The following PKNOX1 variants were observed in gnomAD, a reference collection of about 807,000 sequenced individuals.
The protein encoded by PKNOX1 is PBX/knotted 1 homeobox 1.
PKNOX1 carries 15 observed loss-of-function variants against 51.9 expected under a neutral mutation model. The observed-to-expected ratio is 0.29, with a 90% CI of 0.19 to 0.45. PKNOX1 has a LOEUF of 0.45. PKNOX1 is among the 20% of genes least tolerant of loss of function. The pLI, the probability that PKNOX1 is intolerant of heterozygous loss-of-function variation, is 1.00. For missense variants in PKNOX1, 462 were observed against 547.5 expected, an observed-to-expected ratio of 0.84 and a Z score of 1.56; for synonymous variants, 219 against 211.1, an observed-to-expected ratio of 1.04 and a Z score of -0.32.
intron 6 of PKNOX1, 194 bp downstream of exon 6, chr21:43,017,201 T>C (rs1979533880): frequency 2.6e-6 from 1 of 385,120 alleles, no homozygotes; most frequent in Non-Finnish European, 4.6e-6. Context: ...ATTGTGTTTC[T>C]TTGTTTCTCT....
intron 1 of PKNOX1, among the ~76,000 whole-genome samples, chr21:42,977,692 C>T (rs1032710941): frequency 3.3e-5 from 5 of 151,900 alleles, no homozygotes; most frequent in Admixed American, 2.6e-4. Context: ...GGAGTACAGG[C>T]AGCTGCCACC....
At chr21:42,994,768 C>T (rs1181317151) in intron 1 of PKNOX1, among the ~76,000 whole-genome samples, 1 of 152,098 alleles carries the variant, frequency 6.6e-6, no homozygotes, top group East Asian at 1.9e-4. Context: ...ATCACACCAT[C>T]AAAATAACAC....
intron 1 of PKNOX1, among the ~76,000 whole-genome samples, chr21:42,974,959 T>A (rs2058984489): frequency 7.4e-6 from 1 of 134,910 alleles, no homozygotes; most frequent in Non-Finnish European, 1.6e-5. Flanking sequence ...CGCGGAAATT[T>A]CTGGAAGGCG....
At chr21:42,978,887 C>T (rs1006793165) in intron 1 of PKNOX1, among the ~76,000 whole-genome samples, 1 of 152,146 alleles carries the variant, frequency 6.6e-6, no homozygotes, top group African/African-American at 2.4e-5. Flanking sequence ...CAGGCATGAT[C>T]CACTGTTCCT....
chr21:43,021,280 A>G lies in PKNOX1; in HGVS notation c.721-23A>G, dbSNP rs1373995920. ...ATGTGAGAATTTCCTATGCTTTCTA[A>G]TGTTATTTTTCAACTTTAAAAGCTT... On this transcript the variant is annotated intron_variant, in intron 7 of 10. Transcript: ENST00000291547. This position sits in a 1 kb window ranked among gnomAD's most constrained non-coding sequence, Gnocchi z 4.6. The G allele has an allele frequency of 1.3e-6, 2 of 1,573,554 alleles. No individual in the cohort carries two copies. The highest frequency in any genetic ancestry group is 1.8e-5 in the Admixed American group (1 of 55,746).
chr21:42,993,756 A>T (rs1458529898), intron 1 of PKNOX1, among the ~76,000 whole-genome samples: 17 of 117,100 alleles, frequency 1.5e-4, no homozygotes, highest in African/African-American at 5.0e-4. Flanking sequence ...TTTTTGAAAC[A>T]GAGTCTCGTT....
At chr21:42,996,052 G>C (rs1978490087) in intron 1 of PKNOX1, among the ~76,000 whole-genome samples, 2 of 152,134 alleles carry the variant, frequency 1.3e-5, no homozygotes, top group Non-Finnish European at 2.9e-5. Flanking sequence ...CATGTCTACA[G>C]AAATTTTTAA....
chr21:43,018,280 A>ATGT, intron 7 of PKNOX1, 50 bp downstream of exon 7: 3 of 1,138,524 alleles, frequency 2.6e-6, no homozygotes, highest in Non-Finnish European at 2.7e-6. Context: ...CTGCCCACAT[A>ATGT]GGGGCACAGG....
Position 43,033,541 on chromosome 21 carries a change from GATTT to G in PKNOX1, c.*3443_*3446del, listed in dbSNP as rs1174532754. On this transcript the variant is annotated 3_prime_UTR_variant, in exon 11 of 11. Coordinates refer to ENST00000291547, the MANE Select transcript of PKNOX1 (RefSeq NM_004571.5). Reference sequence around the variant, plus strand: ...TAAAAAGGATTTTTGTGAAGCAATTGATTTATCAAAGCAAAAAAATTAAAAATAG... The same window carrying G: ...TAAAAAGGATTTTTGTGAAGCAATTGATCAAAGCAAAAAAATTAAAAATAG... 2 of 152,556 alleles carry G rather than the reference GATTT, an allele frequency of 1.3e-5. No individual in the cohort carries two copies. The highest frequency in any genetic ancestry group is 6.5e-5 in the Admixed American group (1 of 15,278). The allele number at this position is 152,556 out of a possible 1,614,324, so 9.5% of individuals were successfully genotyped here.
At position 42,990,881 on chromosome 21, in the gene PKNOX1, G is replaced by A. The variant is rs188850861; in HGVS notation, c.-56-13445G>A. Among the ~76,000 whole-genome samples, 3 of 152,190 alleles carry A rather than the reference G, an allele frequency of 2.0e-5. No individual in the cohort carries two copies. The East Asian group carries it at 5.8e-4, about 29-fold the overall frequency. ...AGATTTCTCTCTGTATCCTTCTTTG[G>A]AGGTCAGCATGTTTCCTCCCCCCGT... On this transcript the variant is annotated intron_variant, in intron 1 of 10. Transcript: ENST00000291547.
chr21:43,021,552 A>C lies in PKNOX1; in HGVS notation c.849+121A>C. 3 of 1,177,252 alleles carry C rather than the reference A, an allele frequency of 2.5e-6. No individual in the cohort carries two copies. Among genetic ancestry groups the C allele is most frequent in the African/African-American group, 1.5e-5 (1 of 65,108 alleles). The allele number at this position is 1,177,252 out of a possible 1,614,324, so 72.9% of individuals were successfully genotyped here. ...GAAAATCAAAGGCCTGACTTTCAGG[A>C]CTTTGTGGCATGTCCATAATGTGGG... On this transcript the variant is annotated intron_variant, in intron 8 of 10. Transcript: ENST00000291547. The surrounding 1 kb of genome is among the most constrained non-coding windows in gnomAD (Gnocchi z 4.6).
rs371463187 is a variant in PKNOX1, at chr21:42,989,231, G to A, written c.-57+14567G>A. On this transcript the variant is annotated intron_variant, in intron 1 of 10. Coordinates refer to ENST00000291547, the MANE Select transcript of PKNOX1 (RefSeq NM_004571.5). Reference sequence around the variant, plus strand: ...TGGACTCAAGCAATATTCCCGCCTCGGGCTTCCAAAGTGCTGGGCTTACAG... The same window carrying A: ...TGGACTCAAGCAATATTCCCGCCTCAGGCTTCCAAAGTGCTGGGCTTACAG... Among the ~76,000 whole-genome samples the A allele has an allele frequency of 5.9e-5, 9 of 151,698 alleles. No homozygotes were observed. In the South Asian group the frequency reaches 8.3e-4, roughly 14 times the overall value.
In PKNOX1 at chr21:42,984,974, C is replaced by CTTTTTTTTTTTTT. The variant is rs71195904; in HGVS notation, c.-57+10325_-57+10337dup. On this transcript the variant is annotated intron_variant, in intron 1 of 10. Transcript: ENST00000291547. ...GGGTTAGGGTTCCTCATTTTCTTTT[C>CTTTTTTTTTTTTT]TTTTTTTTTTTTTTTTTTTTTTTTT... Among the ~76,000 whole-genome samples the CTTTTTTTTTTTTT allele has an allele frequency of 6.2e-4, 36 of 58,004 alleles. 2 individuals are homozygous for CTTTTTTTTTTTTT. The highest frequency in any genetic ancestry group is 8.7e-4 in the Admixed American group (3 of 3,430). The allele number at this position is 58,004 out of a possible 152,430, so 38.1% of individuals were successfully genotyped here.
intron 1 of PKNOX1, among the ~76,000 whole-genome samples, chr21:42,975,393 G>A (rs1353098863): frequency 6.6e-6 from 1 of 152,084 alleles, no homozygotes; most frequent in African/African-American, 2.4e-5. Flanking sequence ...CGGGTGCTGG[G>A]GAAGCGGTTC....
At position 43,021,914 on chromosome 21, in the gene PKNOX1, C is replaced by T. The variant is rs181695174; in HGVS notation, c.849+483C>T. On this transcript the variant is annotated intron_variant, in intron 8 of 10. Transcript: ENST00000291547. This position sits in a 1 kb window ranked among gnomAD's most constrained non-coding sequence, Gnocchi z 4.6. ...CCGTTTTGCCCAGCACGTGTGCACC[C>T]GGCTTCCTCCCCCGGGCCATGGCCG... 2.6e-5 allele frequency among the ~76,000 whole-genome samples: 4 copies of T among 152,232 alleles called. No individual in the cohort carries two copies. Among genetic ancestry groups the T allele is most frequent in the East Asian group, 1.9e-4 (1 of 5,194 alleles).
At chr21:43,018,469 G>GCCCCC (rs1382698885) in intron 7 of PKNOX1, among the ~76,000 whole-genome samples, 1 of 11,046 alleles carries the variant, frequency 9.1e-5, no homozygotes, top group African/African-American at 4.7e-4. Context: ...ACCACCCCCT[G>GCCCCC]CCACCCACAC....
chr21:43,012,561 C>G (rs1351792313), intron 4 of PKNOX1, among the ~76,000 whole-genome samples: 1 of 152,200 alleles, frequency 6.6e-6, no homozygotes, highest in Non-Finnish European at 1.5e-5. Context: ...GAGTGAAACT[C>G]TGTCTCAAAA....
chr21:42,975,882 C>T (rs1156424769), intron 1 of PKNOX1, among the ~76,000 whole-genome samples: 1 of 152,238 alleles, frequency 6.6e-6, no homozygotes, highest in Non-Finnish European at 1.5e-5. Context: ...GTTAGGTCTA[C>T]TTTCATGATT....
intron 1 of PKNOX1, among the ~76,000 whole-genome samples, chr21:42,999,592 C>T (rs8133215): frequency 0.5 from 75,837 of 151,822 alleles, 18,955 homozygotes; most frequent in Middle Eastern, 0.59. Context: ...ACAATTCTCC[C>T]GCCTCAGCCT....
Sources: gnomAD v4.1 joint callset for allele counts (sites outside exome capture counted in the v4.1 genomes callset) on GRCh38, gnomAD v4.1.1 for gene constraint, Gnocchi (gnomAD v3.1) non-coding constraint, MANE v1.5 for transcripts, NCBI Gene and HGNC (gene_info 2026-07-23, HGNC 2026-07-21) for gene names.